The following THAP8 variants were observed in gnomAD, a reference collection of about 807,000 sequenced individuals.
THAP8 encodes THAP domain-containing protein 8.
Under a neutral mutation model 25.0 loss-of-function variants are expected in THAP8, and 24 were observed. The observed-to-expected ratio is 0.96, with a 90% CI of 0.69 to 1.35. The LOEUF (loss-of-function observed/expected upper bound fraction) is 1.35, where lower values mean the gene tolerates loss of function less well. THAP8 is among the 40% of genes most tolerant of loss of function. THAP8 has a pLI of 0.00. For missense variants in THAP8, 399 were observed against 368.8 expected (o/e 1.08, Z -0.67); for synonymous variants, 169 against 157.6 (o/e 1.07, Z -0.54).
intron 3 of THAP8, among the ~76,000 whole-genome samples, chr19:36,037,343 T>TACAC (rs58349186): frequency 0.018 from 2,012 of 114,762 alleles, 47 homozygotes; most frequent in East Asian, 0.05. Flanking sequence ...ATTCCTCCCC[T>TACAC]ACACACACAC....
chr19:36,035,250 TGA>T lies in THAP8; in HGVS notation c.*188_*189del. 1.6e-6 allele frequency: 1 copy of T among 643,256 alleles called. No homozygotes were observed. Among genetic ancestry groups the T allele is most frequent in the East Asian group, 2.9e-5 (1 of 33,906 alleles). The allele number at this position is 643,256 out of a possible 1,614,324, so 39.8% of individuals were successfully genotyped here. ...TGGTACCCAGGGGATTGGGGGCTGA[TGA>T]GAGACTTGGGCCCAGGTCACCCCTA... On this transcript the variant is annotated 3_prime_UTR_variant, in exon 4 of 4. Coordinates refer to ENST00000292894, the MANE Select transcript of THAP8 (RefSeq NM_152658.3).
At chr19:36,049,510 G>C (rs1164819172) in intron 1 of THAP8, among the ~76,000 whole-genome samples, 1 of 152,142 alleles carries the variant, frequency 6.6e-6, no homozygotes, top group Non-Finnish European at 1.5e-5. Flanking sequence ...GCCTCTTTTG[G>C]AAACTGCTTC....
intron 1 of THAP8, among the ~76,000 whole-genome samples, chr19:36,041,793 A>C (rs1314612376): frequency 1.3e-5 from 2 of 152,162 alleles, no homozygotes; most frequent in Admixed American, 6.5e-5. Flanking sequence ...ACAACAACAA[A>C]AAAGAGGCCG....
chr19:36,041,810 G>C (rs1969701984), intron 1 of THAP8, among the ~76,000 whole-genome samples: 1 of 152,174 alleles, frequency 6.6e-6, no homozygotes, highest in Non-Finnish European at 1.5e-5. Flanking sequence ...GCCGGGCATG[G>C]TGGCTTGTGT....
upstream of THAP8, chr19:36,054,516 G>C: frequency 5.3e-6 from 3 of 567,034 alleles, no homozygotes; most frequent in African/African-American, 1.9e-5. Flanking sequence ...CGGCGTCACG[G>C]CGTTTCTGAG....
At chr19:36,046,271 C>T (rs1325634584) in intron 1 of THAP8, among the ~76,000 whole-genome samples, 1 of 152,178 alleles carries the variant, frequency 6.6e-6, no homozygotes, top group Non-Finnish European at 1.5e-5. Flanking sequence ...CGCCTTGCAC[C>T]ATGATTGTAA....
chr19:36,053,671 C>T (rs907532439), intron 1 of THAP8, among the ~76,000 whole-genome samples: 9 of 151,884 alleles, frequency 5.9e-5, no homozygotes, highest in African/African-American at 1.9e-4. Flanking sequence ...CTAATTCTGA[C>T]TTTCCCAAGT....
chr19:36,046,018 A>C (rs1265946849), intron 1 of THAP8: 6 of 382,224 alleles, frequency 1.6e-5, no homozygotes, highest in Non-Finnish European at 3.1e-5. Flanking sequence ...GCTGGTATTT[A>C]TATAAAGAAA....
chr19:36,054,716 T>G (rs1356982539), upstream of THAP8: 3 of 593,262 alleles, frequency 5.1e-6, no homozygotes, highest in African/African-American at 5.6e-5. Context: ...GCAGTCTGGA[T>G]GAAAGACCCC....
upstream of THAP8, chr19:36,054,521 T>C: frequency 1.8e-6 from 1 of 565,518 alleles, no homozygotes; most frequent in Non-Finnish European, 3.2e-6. Flanking sequence ...TCACGGCGTT[T>C]CTGAGCCTGC....
intron 1 of THAP8, among the ~76,000 whole-genome samples, chr19:36,053,022 A>C (rs1044328809): frequency 2.6e-5 from 4 of 152,022 alleles, no homozygotes; most frequent in African/African-American, 9.7e-5. Flanking sequence ...CAGGAGTTTG[A>C]GACTAGACTG....
rs1197379685 is a variant in THAP8, at chr19:36,035,158, A to C, written c.*282T>G. 3.0e-6 allele frequency: 1 copy of C among 328,150 alleles called. No individual in the cohort carries two copies. The highest frequency in any genetic ancestry group is 5.1e-5 in the East Asian group (1 of 19,640). The allele number at this position is 328,150 out of a possible 1,614,324, so 20.3% of individuals were successfully genotyped here. On this transcript the variant is annotated 3_prime_UTR_variant, in exon 4 of 4. Coordinates refer to ENST00000292894, the MANE Select transcript of THAP8 (RefSeq NM_152658.3). Reference sequence around the variant, plus strand: ...AGAACCAGGTATGATTCTCCCAAACAACCCTTGCTCTGCTCTGAGGCTGTC... The same window carrying C: ...AGAACCAGGTATGATTCTCCCAAACCACCCTTGCTCTGCTCTGAGGCTGTC...
chr19:36,049,393 G>T (rs1403599750), intron 1 of THAP8, among the ~76,000 whole-genome samples: 1 of 151,790 alleles, frequency 6.6e-6, no homozygotes, highest in Non-Finnish European at 1.5e-5. Context: ...GTGAACTAAT[G>T]AGTGTTCCCA....
At chr19:36,054,286 A>G (rs1970214486), upstream of THAP8, 18 of 1,534,734 alleles carry the variant, frequency 1.2e-5, no homozygotes, top group East Asian at 4.4e-4. Context: ...AGCGCCGCCT[A>G]ACCCCGCCCC....
rs551646821 is a variant in THAP8 at position 36,035,350 on chromosome 19, G to A, written c.*90C>T. On this transcript the variant is annotated 3_prime_UTR_variant, in exon 4 of 4. Transcript: ENST00000292894. Reference sequence around the variant, plus strand: ...AGGGAGGCACTGCTACTACCCAGGCGTGGGCGGTGGGGCTGGGCCAAGCCC... The same window carrying A: ...AGGGAGGCACTGCTACTACCCAGGCATGGGCGGTGGGGCTGGGCCAAGCCC... 1.5e-5 allele frequency: 23 copies of A among 1,507,258 alleles called. No homozygotes were observed. The highest frequency in any genetic ancestry group is 9.6e-5 in the African/African-American group (7 of 72,608). 93.4% of individuals were successfully genotyped at this position (1,507,258 alleles called of 1,614,324 possible).
intron 3 of THAP8, 55 bp from the exon 4 acceptor site, chr19:36,035,647 G>C: frequency 6.3e-7 from 1 of 1,585,652 alleles, no homozygotes; most frequent in African/African-American, 1.3e-5. Flanking sequence ...TTGCGGGAGA[G>C]ACAGACAGAT....
chr19:36,039,327 C>A lies in THAP8; in HGVS notation c.668G>T (p.Arg223Leu). The change falls in exon 3 of 4, where the codon CGC (arginine) becomes CTC (leucine). Residue 223 changes from arginine to leucine, a missense_variant. Transcript: ENST00000292894. The stretch of plus-strand genomic sequence containing the variant: ...CCAGGCTGGGGTGCCACTCACCAGG[C>A]GCTGCAGACCCCGGCGTGCCCGTGC... ...LLARARRGLQRLTTAQTLGPE... is the reference protein window; with the variant it reads ...LLARARRGLQLLTTAQTLGPE... 6.7e-7 allele frequency: 1 copy of A among 1,486,072 alleles called. No individual in the cohort carries two copies. Among genetic ancestry groups the A allele is most frequent in the Non-Finnish European group, 8.9e-7 (1 of 1,122,914 alleles). The allele number at this position is 1,486,072 out of a possible 1,614,324, so 92.1% of individuals were successfully genotyped here. A position where few individuals can be genotyped will look rare whatever the true frequency, so the allele number is the denominator to read the frequency against.
chr19:36,054,021 C>T, intron 1 of THAP8, 114 bp downstream of exon 1: 1 of 1,198,422 alleles, frequency 8.3e-7, no homozygotes, highest in Non-Finnish European at 1.2e-6. Context: ...GGTTTAACCC[C>T]ACTTCCTAAC....
intron 1 of THAP8, among the ~76,000 whole-genome samples, chr19:36,046,441 G>A (rs1228704737): frequency 6.6e-6 from 1 of 152,174 alleles, no homozygotes; most frequent in Non-Finnish European, 1.5e-5. Flanking sequence ...CAGTGGGGAG[G>A]AGGTGGATGG....
Sources: allele counts gnomAD v4.1 joint callset (sites outside exome capture counted in the v4.1 genomes callset), GRCh38; gene constraint gnomAD v4.1.1; transcripts MANE v1.5; gene names NCBI Gene and HGNC (gene_info 2026-07-23, HGNC 2026-07-21).